The following VPS13B variants were observed in gnomAD, a reference collection of about 807,000 sequenced individuals.
VPS13B encodes vacuolar protein sorting 13 homolog B, also known as intermembrane lipid transfer protein VPS13B.
VPS13B carries 285 observed loss-of-function variants against 426.4 expected under a neutral mutation model. The ratio of observed to expected loss-of-function variants is 0.67; its 90% confidence interval spans 0.61 to 0.74. The LOEUF is 0.74. VPS13B is among the 30% of genes least tolerant of loss of function. The pLI is 0.00. For synonymous variants in VPS13B, 1,676 were observed against 1,676.4 expected, an observed-to-expected ratio of 1.00 and a Z score of 0.01; for missense variants, 4,537 against 4,782.6, an observed-to-expected ratio of 0.95 and a Z score of 1.51.
intron 36 of VPS13B, among the ~76,000 whole-genome samples, chr8:99,708,810 A>T (rs377635937): frequency 1.6e-4 from 24 of 149,474 alleles, no homozygotes; most frequent in African/African-American, 5.5e-4. Flanking sequence ...CCATATTAAT[A>T]GGTTCTCTCT....
intron 42 of VPS13B, among the ~76,000 whole-genome samples, chr8:99,781,619 T>A (rs1322848559): frequency 6.6e-6 from 1 of 152,212 alleles, no homozygotes; most frequent in African/African-American, 2.4e-5. Context: ...GGACTTTGAA[T>A]ATTCTTTAGA....
At chr8:99,776,436 A>G (rs75777325) in intron 40 of VPS13B, among the ~76,000 whole-genome samples, 6,972 of 152,190 alleles carry the variant, frequency 0.046, 172 homozygotes, top group African/African-American at 0.061. Flanking sequence ...CAAGTAGCTG[A>G]GACTGCAGGT....
intron 16 of VPS13B, among the ~76,000 whole-genome samples, chr8:99,188,768 T>A (rs1813372094): frequency 6.6e-6 from 1 of 152,238 alleles, no homozygotes; most frequent in Non-Finnish European, 1.5e-5. Context: ...TCCCTTCTGA[T>A]GGGTATGAAG....
chr8:99,385,889 A>G (rs1051960550), intron 20 of VPS13B, among the ~76,000 whole-genome samples: 3 of 152,198 alleles, frequency 2.0e-5, no homozygotes, highest in African/African-American at 7.2e-5. Flanking sequence ...TGATTCCAGA[A>G]TGGAGTCAAG....
At chr8:99,862,905 A>C (rs940843626) in intron 58 of VPS13B, among the ~76,000 whole-genome samples, 4 of 152,168 alleles carry the variant, frequency 2.6e-5, no homozygotes, top group Non-Finnish European at 4.4e-5. Context: ...TCATTTGATA[A>C]TATGTGGAAA....
At chr8:99,065,474 A>G (rs1394973720) in intron 3 of VPS13B, among the ~76,000 whole-genome samples, 1 of 152,208 alleles carries the variant, frequency 6.6e-6, no homozygotes, top group Non-Finnish European at 1.5e-5. Flanking sequence ...GCTTCATACT[A>G]AAAACTCTCA....
intron 7 of VPS13B, 32 bp from the exon 8 acceptor site, chr8:99,121,145 C>T (rs750449055): frequency 2.6e-5 from 42 of 1,593,338 alleles, no homozygotes; most frequent in Non-Finnish European, 3.2e-5. Context: ...ATCCTTTTGA[C>T]TTATTTAAAA....
intron 21 of VPS13B, among the ~76,000 whole-genome samples, chr8:99,391,999 G>A (rs1303973235): frequency 6.6e-6 from 1 of 152,216 alleles, no homozygotes; most frequent in Non-Finnish European, 1.5e-5. Flanking sequence ...AGAGGGAGGC[G>A]CTGTGTCTCC....
At chr8:99,042,810 C>T (rs923262382) in intron 3 of VPS13B, among the ~76,000 whole-genome samples, 9 of 152,088 alleles carry the variant, frequency 5.9e-5, no homozygotes, top group African/African-American at 2.2e-4. Context: ...AAATTTTGGT[C>T]CTGACAGCCC....
At chr8:99,197,885 C>A (rs1814035107) in intron 17 of VPS13B, among the ~76,000 whole-genome samples, 1 of 151,992 alleles carries the variant, frequency 6.6e-6, no homozygotes, top group Non-Finnish European at 1.5e-5. Flanking sequence ...CCCAAGATTT[C>A]TTTTTGGGGT....
intron 3 of VPS13B, among the ~76,000 whole-genome samples, chr8:99,082,822 T>C (rs1845557066): frequency 6.6e-6 from 1 of 152,180 alleles, no homozygotes; most frequent in Non-Finnish European, 1.5e-5. Context: ...TTGATCTACA[T>C]CTCTGTTTTG....
intron 16 of VPS13B, among the ~76,000 whole-genome samples, chr8:99,179,099 T>C (rs1013522979): frequency 1.3e-5 from 2 of 152,230 alleles, no homozygotes; most frequent in African/African-American, 4.8e-5. Flanking sequence ...TTCAACTGAC[T>C]AATGAGTCAT....
intron 33 of VPS13B, among the ~76,000 whole-genome samples, chr8:99,601,616 A>G (rs1437460874): frequency 6.6e-6 from 1 of 152,176 alleles, no homozygotes; most frequent in Non-Finnish European, 1.5e-5. Flanking sequence ...ACTCCCACCA[A>G]CAGTGTAAAA....
intron 39 of VPS13B, among the ~76,000 whole-genome samples, chr8:99,742,073 AC>A (rs747229267): frequency 1.0e-3 from 152 of 152,320 alleles, no homozygotes; most frequent in Non-Finnish European, 2.5e-4. Flanking sequence ...TTGATAGACC[AC>A]TAGCAAGACT....
At position 99,699,557 on chromosome 8, in the gene VPS13B, A is replaced by C; in HGVS notation, c.6079A>C (p.Lys2027Gln). The C allele has an allele frequency of 6.2e-7, 1 of 1,613,996 alleles. No homozygotes were observed. Among genetic ancestry groups the C allele is most frequent in the Non-Finnish European group, 8.5e-7 (1 of 1,180,012 alleles). ...DVNLDISKPL[K>Q]ANLSFTKLDQ... ...CAATTTGGATATATCAAAGCCTTTGAAAGCAAACCTGAGTTTCACCAAACT... is the reference window on the plus strand; with the variant it reads ...CAATTTGGATATATCAAAGCCTTTGCAAGCAAACCTGAGTTTCACCAAACT... Residue 2027 changes from lysine (K) to glutamine (Q), a missense_variant, in exon 36 of 62, where the codon AAA becomes CAA. Lys to Gln is a moderately conservative substitution (Grantham distance 53). Transcript: ENST00000357162.
chr8:99,340,719 C>T, intron 19 of VPS13B: 1 of 362,556 alleles, frequency 2.8e-6, no homozygotes, highest in South Asian at 2.5e-5. Context: ...TCAGGAGCAG[C>T]CTGGGGCATG....
intron 3 of VPS13B, among the ~76,000 whole-genome samples, chr8:99,069,685 G>T (rs979286376): frequency 6.6e-6 from 1 of 152,024 alleles, no homozygotes; most frequent in Admixed American, 6.6e-5. Context: ...TACCATTCAG[G>T]GTTATGATTC....
intron 10 of VPS13B, among the ~76,000 whole-genome samples, 161 bp downstream of exon 10, chr8:99,135,298 A>T (rs1810016145): frequency 6.6e-6 from 1 of 152,078 alleles, no homozygotes; most frequent in African/African-American, 2.4e-5. Flanking sequence ...GAAATTATAG[A>T]TCTCAGGGAA....
At chr8:99,475,002 A>G (rs777620921) in intron 24 of VPS13B, among the ~76,000 whole-genome samples, 12 of 152,210 alleles carry the variant, frequency 7.9e-5, no homozygotes, top group Non-Finnish European at 1.2e-4. Flanking sequence ...AGGTAATACT[A>G]ATCAGCCATT....
Sources: allele counts gnomAD v4.1 joint callset (sites outside exome capture counted in the v4.1 genomes callset), GRCh38; gene constraint gnomAD v4.1.1; transcripts MANE v1.5; gene names NCBI Gene and HGNC (gene_info 2026-07-23, HGNC 2026-07-21).